Variants in PIBF1 observed in about 807,000 individuals in gnomAD.
PIBF1 encodes the protein progesterone-induced-blocking factor 1.
PIBF1 carries 90 observed loss-of-function variants against 112.5 expected under a neutral mutation model. That is an observed-to-expected ratio of 0.80 (90% CI 0.67 to 0.95). The LOEUF (loss-of-function observed/expected upper bound fraction) is 0.95. PIBF1 is among the 40% of genes least tolerant of loss of function. PIBF1 has a pLI of 0.00. For missense variants in PIBF1, 915 were observed against 852.3 expected (o/e 1.07, Z -0.92); for synonymous variants, 301 against 288.6 (o/e 1.04, Z -0.44).
At chr13:72,792,140 A>G (rs1195278677) in intron 2 of PIBF1, among the ~76,000 whole-genome samples, 3 of 151,954 alleles carry the variant, frequency 2.0e-5, no homozygotes, top group Non-Finnish European at 4.4e-5. Flanking sequence ...TACTAAAAAT[A>G]CAAAAATTAA....
At chr13:72,880,750 A>G (rs1316682573) in intron 10 of PIBF1, among the ~76,000 whole-genome samples, 1 of 152,180 alleles carries the variant, frequency 6.6e-6, no homozygotes, top group African/African-American at 2.4e-5. Context: ...ATGAAGCTTC[A>G]AGATTATTTG....
At chr13:72,800,567 A>G (rs1438237200) in intron 5 of PIBF1, among the ~76,000 whole-genome samples, 5 of 152,228 alleles carry the variant, frequency 3.3e-5, no homozygotes, top group African/African-American at 1.2e-4. Flanking sequence ...AGGGACGATA[A>G]CATGTAACAC....
chr13:72,854,260 TGAG>T (rs879076326), intron 10 of PIBF1, 105 bp downstream of exon 10: 68 of 689,664 alleles, frequency 9.9e-5, no homozygotes, highest in South Asian at 5.0e-4. Flanking sequence ...TCATTTCAAT[TGAG>T]GAGAGACTAA....
chr13:72,935,074 C>T (rs1336169656), intron 14 of PIBF1, among the ~76,000 whole-genome samples: 2 of 152,152 alleles, frequency 1.3e-5, no homozygotes, highest in Non-Finnish European at 2.9e-5. Flanking sequence ...CAACCTCTGC[C>T]TCCTGGGTTC....
chr13:72,897,671 A>C (rs765030942), intron 11 of PIBF1, among the ~76,000 whole-genome samples: 57 of 152,226 alleles, frequency 3.7e-4, no homozygotes, highest in Admixed American at 1.5e-3. Context: ...CTATTCTTAC[A>C]TCAGACAAAA....
intron 14 of PIBF1, among the ~76,000 whole-genome samples, chr13:72,961,971 A>C (rs1040198954): frequency 6.6e-6 from 1 of 152,114 alleles, no homozygotes; most frequent in Non-Finnish European, 1.5e-5. Flanking sequence ...TCTATCCTGA[A>C]AAAAAATTAA....
chr13:72,793,951 G>A (rs1208983354), intron 3 of PIBF1, among the ~76,000 whole-genome samples: 1 of 152,110 alleles, frequency 6.6e-6, no homozygotes, highest in Admixed American at 6.5e-5. Context: ...CAAATCTGGG[G>A]ATCATTAGGC....
chr13:72,804,297 T>A (rs1241082550), intron 5 of PIBF1, among the ~76,000 whole-genome samples: 1 of 152,206 alleles, frequency 6.6e-6, no homozygotes. Context: ...CAAATTTATG[T>A]ATAATTTATA....
intron 11 of PIBF1, among the ~76,000 whole-genome samples, chr13:72,905,037 A>G (rs1007977899): frequency 1.3e-5 from 2 of 149,810 alleles, no homozygotes; most frequent in African/African-American, 4.9e-5. Flanking sequence ...AGACCTTAAC[A>G]CCTGACCAAC....
chr13:72,821,961 A>T lies in PIBF1; in HGVS notation c.785A>T (p.Glu262Val). ...QLIQQGDYRQ[E>V]NYDKVKSERD... ...ATTCAGCAAGGTGACTACCGTCAAG[A>T]GAACTATGATAAAGTCAAGAGGTAA... Residue 262 changes from glutamate (E) to valine (V), a missense_variant, in exon 6 of 18, where the codon GAG becomes GTG. By Grantham distance (121) the Glu-to-Val change is moderately radical. Transcript: ENST00000326291. 1 of 1,612,254 alleles carries T rather than the reference A, an allele frequency of 6.2e-7. No homozygotes were observed. Among genetic ancestry groups the T allele is most frequent in the East Asian group, 2.2e-5 (1 of 44,684 alleles).
chr13:72,963,704 G>C (rs1035464923), intron 14 of PIBF1, among the ~76,000 whole-genome samples: 6 of 151,952 alleles, frequency 3.9e-5, no homozygotes, highest in African/African-American at 1.4e-4. Flanking sequence ...ATATTATTAA[G>C]AATATATAGA....
chr13:72,864,688 G>A (rs1045067642), intron 10 of PIBF1, among the ~76,000 whole-genome samples: 8 of 152,112 alleles, frequency 5.3e-5, no homozygotes, highest in African/African-American at 1.9e-4. Context: ...TGGGATGCCA[G>A]CTAACTAAAT....
chr13:72,787,178 A>C (rs934552181), intron 2 of PIBF1, among the ~76,000 whole-genome samples: 1 of 152,200 alleles, frequency 6.6e-6, no homozygotes, highest in Non-Finnish European at 1.5e-5. Context: ...TACACACATG[A>C]TATATATTTT....
At chr13:72,981,824 ACT>A (rs1278794005) in intron 16 of PIBF1, among the ~76,000 whole-genome samples, 1 of 151,310 alleles carries the variant, frequency 6.6e-6, no homozygotes, top group East Asian at 1.9e-4. Context: ...AATATGTTCA[ACT>A]CTCTCATTAA....
intron 13 of PIBF1, among the ~76,000 whole-genome samples, chr13:72,924,256 T>C (rs1229287455): frequency 6.6e-6 from 1 of 152,040 alleles, no homozygotes; most frequent in African/African-American, 2.4e-5. Context: ...TTGTGCACTT[T>C]TTAATTGCTA....
chr13:72,835,830 T>C (rs970167552), intron 9 of PIBF1, among the ~76,000 whole-genome samples: 1 of 152,200 alleles, frequency 6.6e-6, no homozygotes, highest in African/African-American at 2.4e-5. Context: ...CTGGGCGTGG[T>C]GGCTCACGCC....
intron 14 of PIBF1, among the ~76,000 whole-genome samples, chr13:72,949,327 TTTTTTTG>T (rs1432933384): frequency 8.2e-6 from 1 of 121,694 alleles, no homozygotes; most frequent in Admixed American, 8.5e-5. Context: ...TTTTTTTTTT[TTTTTTTG>T]AGACAGAGTC....
intron 1 of PIBF1, 86 bp downstream of exon 1, chr13:72,782,435 G>T (rs1296218320): frequency 6.6e-6 from 1 of 152,214 alleles, no homozygotes; most frequent in Non-Finnish European, 1.5e-5. Context: ...TTTTCACGCC[G>T]AGTGTATAGG....
chr13:72,814,839 G>C (rs954247655), intron 5 of PIBF1, among the ~76,000 whole-genome samples: 1 of 152,126 alleles, frequency 6.6e-6, no homozygotes, highest in Non-Finnish European at 1.5e-5. Flanking sequence ...CATGAAGTAA[G>C]GGAAAATACA....
Sources: allele counts gnomAD v4.1 joint callset (sites outside exome capture counted in the v4.1 genomes callset), GRCh38; gene constraint gnomAD v4.1.1; transcripts MANE v1.5; gene names NCBI Gene and HGNC (gene_info 2026-07-23, HGNC 2026-07-21).